Variants in GDPD1 observed in about 807,000 individuals in gnomAD.
GDPD1 encodes the protein lysophospholipase D GDPD1.
Under a neutral mutation model 45.1 loss-of-function variants are expected in GDPD1, and 28 were observed. The ratio of observed to expected loss-of-function variants is 0.62; its 90% confidence interval spans 0.46 to 0.85. The LOEUF is 0.85. GDPD1 is among the 40% of genes least tolerant of loss of function. The pLI is 0.00. For synonymous variants in GDPD1, 139 were observed against 131.4 expected, an observed-to-expected ratio of 1.06 and a Z score of -0.40; for missense variants, 256 against 364.8, an observed-to-expected ratio of 0.70 and a Z score of 2.43.
In GDPD1 at chr17:59,270,842, A is replaced by G; in HGVS notation, c.711-94A>G. On this transcript the variant is annotated intron_variant, in intron 7 of 9. Transcript: ENST00000284116. ...TATTTTTTGAGAATATACAAAGTAC[A>G]AGGCACTGTTTTCATTTTTGAATTT... is the stretch of plus-strand genomic sequence containing the variant. 3 of 784,320 alleles carry G rather than the reference A, an allele frequency of 3.8e-6. No individual in the cohort carries two copies. The South Asian group carries it at 5.0e-5, about 13-fold the overall frequency. 48.6% of individuals were successfully genotyped at this position (784,320 alleles called of 1,614,324 possible).
At position 59,268,779 on chromosome 17, in the gene GDPD1, C is replaced by G. The variant is rs568479783; in HGVS notation, c.710+1605C>G. On this transcript the variant is annotated intron_variant, in intron 7 of 9. Transcript: ENST00000284116. ...GAAAAGCAGGCCAGGTGCAGTGGCTCACGCCTGTAATCCCAACATTTTGGG... is the reference window on the plus strand; with the variant it reads ...GAAAAGCAGGCCAGGTGCAGTGGCTGACGCCTGTAATCCCAACATTTTGGG... Among the ~76,000 whole-genome samples, 10 of 152,114 alleles carry G rather than the reference C, an allele frequency of 6.6e-5. No individual in the cohort carries two copies. The South Asian group carries it at 2.1e-3, about 32-fold the overall frequency.
chr17:59,274,513 A>C lies in GDPD1; in HGVS notation c.*740A>C, dbSNP rs1272199438. On this transcript the variant is annotated 3_prime_UTR_variant, in exon 10 of 10. Transcript: ENST00000284116. ...GGGAGACAGAGTGAGACTCCGTCTC[A>C]AAAAAAAAAAAAAAAAAAAAAAATG... is the stretch of plus-strand genomic sequence containing the variant. 1 of 51,296 alleles carries C rather than the reference A, an allele frequency of 1.9e-5. No homozygotes were observed. The highest frequency in any genetic ancestry group is 6.4e-4 in the East Asian group (1 of 1,572). The allele number at this position is 51,296 out of a possible 1,614,324, so 3.2% of individuals were successfully genotyped here. A position where few individuals can be genotyped will look rare whatever the true frequency, so the allele number is the denominator to read the frequency against.
At chr17:59,269,486 CAA>C (rs1202072441) in intron 7 of GDPD1, among the ~76,000 whole-genome samples, 1 of 135,146 alleles carries the variant, frequency 7.4e-6, no homozygotes, top group African/African-American at 2.9e-5. Flanking sequence ...CCCCCCCCCC[CAA>C]AAAACACCCT....
At chr17:59,238,324 A>G (rs1170258654) in intron 2 of GDPD1, among the ~76,000 whole-genome samples, 4 of 151,910 alleles carry the variant, frequency 2.6e-5, no homozygotes. Flanking sequence ...TATGTCTCAC[A>G]ATGTATGAAA....
chr17:59,228,367 G>T (rs2047063902), intron 1 of GDPD1, among the ~76,000 whole-genome samples: 1 of 152,044 alleles, frequency 6.6e-6, no homozygotes, highest in Non-Finnish European at 1.5e-5. Context: ...CAGTCAAGGT[G>T]ATTAAAACAC....
At chr17:59,250,053 T>C (rs772187516) in intron 4 of GDPD1, among the ~76,000 whole-genome samples, 5 of 151,774 alleles carry the variant, frequency 3.3e-5, no homozygotes, top group Non-Finnish European at 5.9e-5. Flanking sequence ...GATAGGGGAA[T>C]TTTTGAAAAT....
intron 6 of GDPD1, among the ~76,000 whole-genome samples, chr17:59,266,406 AT>A (rs1435816050): frequency 2.0e-5 from 3 of 151,414 alleles, no homozygotes; most frequent in Admixed American, 6.6e-5. Context: ...AAAAAAAAAA[AT>A]CTTAAATTTT....
intron 4 of GDPD1, among the ~76,000 whole-genome samples, chr17:59,254,221 C>T (rs568020059): frequency 1.7e-4 from 26 of 152,052 alleles, no homozygotes; most frequent in African/African-American, 4.3e-4. Context: ...ATTAGCCAGG[C>T]GTGGTGGCAG....
intron 2 of GDPD1, among the ~76,000 whole-genome samples, chr17:59,238,275 A>AG (rs1050859097): frequency 2.6e-5 from 4 of 151,522 alleles, no homozygotes; most frequent in African/African-American, 9.7e-5. Flanking sequence ...TCTCAAAAAA[A>AG]AAAAAAAAAA....
intron 4 of GDPD1, among the ~76,000 whole-genome samples, chr17:59,252,636 T>TG (rs1413839726): frequency 6.6e-6 from 1 of 151,840 alleles, no homozygotes; most frequent in Non-Finnish European, 1.5e-5. Flanking sequence ...AGGCAGATGT[T>TG]GCAGTGAGCA....
At position 59,270,981 on chromosome 17, in the gene GDPD1, C is replaced by T. The variant is rs1387186535; in HGVS notation, c.756C>T (p.Ile252=). Reference sequence around the variant, plus strand: ...TGTCCAGAAGTCAAAAGTTTCTCATCTGGCTTTCTGATCTGTAAGAATTTT... The same window carrying T: ...TGTCCAGAAGTCAAAAGTTTCTCATTTGGCTTTCTGATCTGTAAGAATTTT... ...HTMSRSQKFL[I]WLSDLLLMRK... Residue 252 remains isoleucine (I), a synonymous_variant, in exon 8 of 10, where the codon ATC becomes ATT. Transcript: ENST00000284116. The T allele has an allele frequency of 6.3e-7, 1 of 1,596,014 alleles. No homozygotes were observed. Among genetic ancestry groups the T allele is most frequent in the South Asian group, 1.1e-5 (1 of 89,136 alleles).
intron 6 of GDPD1, among the ~76,000 whole-genome samples, chr17:59,261,131 A>G (rs1237080423): frequency 6.6e-6 from 1 of 152,072 alleles, no homozygotes; most frequent in East Asian, 1.9e-4. Context: ...ATGCCCAGCT[A>G]ATTTTTGTAT....
chr17:59,271,309 C>G (rs7223343), intron 8 of GDPD1, among the ~76,000 whole-genome samples: 20,103 of 152,116 alleles, frequency 0.13, 1,505 homozygotes, highest in South Asian at 0.26. Flanking sequence ...TTCCCTTTAG[C>G]TTACTTGCTG....
At chr17:59,220,849 T>G in intron 1 of GDPD1, 98 bp downstream of exon 1, 1 of 1,338,636 alleles carries the variant, frequency 7.5e-7, no homozygotes. Context: ...CCTGAGAGTT[T>G]GAGGAAGAAT....
At chr17:59,229,764 C>T (rs2047075149) in intron 1 of GDPD1, among the ~76,000 whole-genome samples, 1 of 152,142 alleles carries the variant, frequency 6.6e-6, no homozygotes, top group South Asian at 2.1e-4. Context: ...ACGGCTTATT[C>T]AGCGTCCCCA....
chr17:59,269,475 A>ACG (rs2047427749), intron 7 of GDPD1, among the ~76,000 whole-genome samples: 1 of 119,942 alleles, frequency 8.3e-6, no homozygotes, highest in South Asian at 3.2e-4. Context: ...CTTCTTGTCT[A>ACG]CCCCCCCCCC....
At chr17:59,237,960 CT>C (rs1211302853) in intron 2 of GDPD1, among the ~76,000 whole-genome samples, 14 of 84,598 alleles carry the variant, frequency 1.7e-4, no homozygotes, top group African/African-American at 8.3e-4. Context: ...AAGACTCCGT[CT>C]TAAAAAAAAA....
At chr17:59,255,784 T>TATATACAC (rs1215280964) in intron 4 of GDPD1, among the ~76,000 whole-genome samples, 1 of 58,136 alleles carries the variant, frequency 1.7e-5, no homozygotes, top group African/African-American at 1.3e-4. Flanking sequence ...TATATATATA[T>TATATACAC]ACGCGTATAT....
At chr17:59,263,620 A>G (rs2047376540) in intron 6 of GDPD1, among the ~76,000 whole-genome samples, 1 of 151,372 alleles carries the variant, frequency 6.6e-6, no homozygotes, top group African/African-American at 2.4e-5. Flanking sequence ...CTGGGATTAC[A>G]GGCATGCACC....
Sources: allele counts gnomAD v4.1 joint callset (sites outside exome capture counted in the v4.1 genomes callset), GRCh38; gene constraint gnomAD v4.1.1; transcripts MANE v1.5; gene names NCBI Gene and HGNC (gene_info 2026-07-23, HGNC 2026-07-21).